DPP10: variants seen among roughly 807,000 people sequenced by gnomAD.
DPP10 encodes the protein dipeptidyl peptidase like 10.
DPP10 carries 33 observed loss-of-function variants against 120.9 expected under a neutral mutation model. The observed-to-expected ratio is 0.27, with a 90% CI of 0.21 to 0.37. The LOEUF is 0.37. Ranked by LOEUF, DPP10 falls within the 10% of genes least tolerant of loss-of-function variation. The pLI is 1.00. For synonymous variants in DPP10, 337 were observed against 326.1 expected, an observed-to-expected ratio of 1.03 and a Z score of -0.36; for missense variants, 816 against 942.8, an observed-to-expected ratio of 0.87 and a Z score of 1.76.
At chr2:114,491,836 T>G (rs1306484350) in intron 1 of DPP10, among the ~76,000 whole-genome samples, 1 of 152,198 alleles carries the variant, frequency 6.6e-6, no homozygotes, top group African/African-American at 2.4e-5. Context: ...AAGGTATTCA[T>G]AATTCGAAAA....
intron 3 of DPP10, among the ~76,000 whole-genome samples, chr2:115,363,618 G>A (rs1192854731): frequency 6.6e-6 from 1 of 152,196 alleles, no homozygotes; most frequent in African/African-American, 2.4e-5. Flanking sequence ...GGACTGAGAG[G>A]ATAATTCCTC....
intron 5 of DPP10, among the ~76,000 whole-genome samples, chr2:115,631,236 ATTGT>A (rs1310595363): frequency 6.6e-6 from 1 of 151,560 alleles, no homozygotes; most frequent in African/African-American, 2.4e-5. Context: ...TTCTCTGATG[ATTGT>A]TTGTATTTCT....
intron 1 of DPP10, among the ~76,000 whole-genome samples, chr2:115,220,279 A>G (rs995128393): frequency 4.6e-5 from 7 of 152,178 alleles, no homozygotes; most frequent in Admixed American, 3.3e-4. Context: ...TAGGTATTGT[A>G]TTGCCATGAC....
In DPP10 at chr2:114,626,208, C is replaced by A. The variant is rs531231524; in HGVS notation, c.60+183370C>A. On this transcript the variant is annotated intron_variant, in intron 1 of 25. Coordinates refer to ENST00000410059, the MANE Select transcript of DPP10 (RefSeq NM_020868.6). ...ACACTCACTACAAAATTACCACCACCAATATAATTATCAAAAACACAGTTT... is the reference window on the plus strand; with the variant it reads ...ACACTCACTACAAAATTACCACCACAAATATAATTATCAAAAACACAGTTT... 9.9e-5 allele frequency among the ~76,000 whole-genome samples: 15 copies of A among 151,680 alleles called. No homozygotes were observed. In the South Asian group the frequency reaches 3.1e-3, roughly 32 times the overall value.
At chr2:115,104,795 C>G (rs1029245386) in intron 1 of DPP10, among the ~76,000 whole-genome samples, 1 of 152,074 alleles carries the variant, frequency 6.6e-6, no homozygotes, top group African/African-American at 2.4e-5. Flanking sequence ...ATCACGAGGT[C>G]AAGAGATTGA....
At chr2:114,974,187 C>T (rs1167043139) in intron 1 of DPP10, among the ~76,000 whole-genome samples, 1 of 152,164 alleles carries the variant, frequency 6.6e-6, no homozygotes, top group African/African-American at 2.4e-5. Context: ...CTCGTTCACT[C>T]ACAACTTACT....
intron 1 of DPP10, among the ~76,000 whole-genome samples, chr2:114,694,265 G>A (rs1319464168): frequency 2.1e-4 from 32 of 151,944 alleles, no homozygotes; most frequent in Non-Finnish European, 7.4e-5. Flanking sequence ...CATATGGTAA[G>A]ACCTTAAGGA....
intron 1 of DPP10, among the ~76,000 whole-genome samples, chr2:114,727,894 C>CAG (rs1676495054): frequency 6.6e-6 from 1 of 152,132 alleles, no homozygotes; most frequent in Non-Finnish European, 1.5e-5. Flanking sequence ...GCGGTCAGCA[C>CAG]ATCACTTAAA....
intron 1 of DPP10, among the ~76,000 whole-genome samples, chr2:115,209,541 C>A (rs1376066001): frequency 6.6e-6 from 1 of 152,068 alleles, no homozygotes; most frequent in Non-Finnish European, 1.5e-5. Context: ...AGACTTTATT[C>A]TTTTGCATTT....
At chr2:115,252,399 C>T (rs1242639907) in intron 1 of DPP10, among the ~76,000 whole-genome samples, 1 of 152,104 alleles carries the variant, frequency 6.6e-6, no homozygotes, top group Non-Finnish European at 1.5e-5. Context: ...CTGTGCAAAC[C>T]TGACTGCAAT....
intron 24 of DPP10, among the ~76,000 whole-genome samples, chr2:115,837,962 A>G (rs1184661813): frequency 6.6e-6 from 1 of 152,214 alleles, no homozygotes; most frequent in Non-Finnish European, 1.5e-5. Flanking sequence ...CAGGAAAACA[A>G]CAATAAGAAC....
At chr2:114,548,946 T>G (rs551372475) in intron 1 of DPP10, among the ~76,000 whole-genome samples, 177 of 152,308 alleles carry the variant, frequency 1.2e-3, no homozygotes, top group African/African-American at 4.0e-3. Context: ...CTCTGATGTG[T>G]GGCCTTAAAA....
chr2:115,107,535 A>C (rs1243308127), intron 1 of DPP10, among the ~76,000 whole-genome samples: 1 of 149,202 alleles, frequency 6.7e-6, no homozygotes, highest in Non-Finnish European at 1.5e-5. Flanking sequence ...AAATTTCGAC[A>C]GCTGTTTTTT....
At chr2:115,353,301 G>T (rs2106315140) in intron 3 of DPP10, among the ~76,000 whole-genome samples, 1 of 152,204 alleles carries the variant, frequency 6.6e-6, no homozygotes, top group Non-Finnish European at 1.5e-5. Context: ...AATTAGCATG[G>T]TGTGTAAGTT....
At chr2:114,904,921 T>C (rs1451869669) in intron 1 of DPP10, among the ~76,000 whole-genome samples, 1 of 152,132 alleles carries the variant, frequency 6.6e-6, no homozygotes, top group Non-Finnish European at 1.5e-5. Flanking sequence ...GATGAGGTTT[T>C]AGAGGCAGGA....
chr2:115,135,654 CTGAACA>C (rs773404419), intron 1 of DPP10, among the ~76,000 whole-genome samples: 1 of 152,158 alleles, frequency 6.6e-6, no homozygotes, highest in Non-Finnish European at 1.5e-5. Context: ...AGAGGTTGAA[CTGAACA>C]TGGAAAATCG....
intron 1 of DPP10, among the ~76,000 whole-genome samples, chr2:114,942,973 G>C (rs1360845017): frequency 6.6e-6 from 1 of 152,004 alleles, no homozygotes; most frequent in African/African-American, 2.4e-5. Flanking sequence ...ATAGGTATAC[G>C]TGTGCCATGG....
At chr2:115,472,449 C>A (rs1279867838) in intron 3 of DPP10, among the ~76,000 whole-genome samples, 4 of 152,112 alleles carry the variant, frequency 2.6e-5, no homozygotes, top group Admixed American at 2.6e-4. Flanking sequence ...TTCTCAATAT[C>A]ATTTCAACAT....
At chr2:114,980,291 GA>G (rs1405902094) in intron 1 of DPP10, among the ~76,000 whole-genome samples, 3 of 152,066 alleles carry the variant, frequency 2.0e-5, no homozygotes, top group Admixed American at 6.5e-5. Context: ...TCCCTGCTAA[GA>G]AAATAGATAA....
Sources: gnomAD v4.1 joint callset for allele counts (sites outside exome capture counted in the v4.1 genomes callset) on GRCh38, gnomAD v4.1.1 for gene constraint, MANE v1.5 for transcripts, NCBI Gene and HGNC (gene_info 2026-07-23, HGNC 2026-07-21) for gene names.